Variants in SLC6A12 observed in about 807,000 individuals in gnomAD.
SLC6A12 encodes sodium- and chloride-dependent betaine transporter.
In SLC6A12, 50 loss-of-function variants were observed where a neutral mutation model predicts 73.3. The ratio of observed to expected loss-of-function variants is 0.68; its 90% CI spans 0.54 to 0.86. The LOEUF (loss-of-function observed/expected upper bound fraction) is 0.86, where lower values mean the gene tolerates loss of function less well. Among genes scored for constraint, SLC6A12 ranks in the 40% least tolerant of loss-of-function variants. The probability of loss-of-function intolerance (pLI) is 0.00; values close to 1 mark genes in which losing one functional copy is unlikely to be tolerated. For missense variants in SLC6A12, 648 were observed against 772.8 expected (o/e 0.84, Z 1.92); for synonymous variants, 304 against 309.2 (o/e 0.98, Z 0.18).
chr12:198,540 G>A lies in SLC6A12; in HGVS notation c.846+257C>T. On this transcript the variant is annotated intron_variant, in intron 8 of 15. Transcript: ENST00000684302. The surrounding 1 kb of genome is among the most constrained non-coding windows in gnomAD (Gnocchi z 4.0). ...GATGGCACCACTGCACTCCAGCCTG[G>A]GGGACAGAGCCAGACCCTGCCTGTC... 5.5e-6 allele frequency: 2 copies of A among 362,266 alleles called. No individual in the cohort carries two copies. The highest frequency in any genetic ancestry group is 1.0e-5 in the Non-Finnish European group (2 of 199,822). 22.4% of individuals were successfully genotyped at this position (362,266 alleles called of 1,614,324 possible). A position where few individuals can be genotyped will look rare whatever the true frequency, so the allele number is the denominator to read the frequency against.
chr12:192,770 G>T (rs1939662225), intron 14 of SLC6A12, 122 bp from the exon 15 acceptor site: 3 of 891,106 alleles, frequency 3.4e-6, no homozygotes, highest in Non-Finnish European at 5.3e-6. Context: ...TAAGGTGGAA[G>T]AGTAAAAGCC....
At chr12:184,911 G>T in the SLC6A12 span, among the ~76,000 whole-genome samples, 1 of 146,556 alleles carries the variant, frequency 6.8e-6, no homozygotes, top group African/African-American at 2.6e-5. Context: ...CCAGCCTGGG[G>T]GACAGAATGA....
intron 1 of SLC6A12, among the ~76,000 whole-genome samples, 161 bp from the exon 2 acceptor site, chr12:212,271 T>C (rs1378122499): frequency 2.6e-5 from 4 of 152,208 alleles, no homozygotes; most frequent in Non-Finnish European, 5.9e-5. Flanking sequence ...AGGGCGGTGG[T>C]CAGAAATGAG....
downstream of SLC6A12, among the ~76,000 whole-genome samples, chr12:187,113 G>C (rs1419915062): frequency 1.3e-5 from 2 of 152,212 alleles, no homozygotes; most frequent in Non-Finnish European, 2.9e-5. Flanking sequence ...CAGGGCTTCT[G>C]CTGCAAAAAT....
At chr12:211,443 G>A (rs976048973) in intron 2 of SLC6A12, among the ~76,000 whole-genome samples, 4 of 152,246 alleles carry the variant, frequency 2.6e-5, no homozygotes, top group African/African-American at 9.6e-5. Flanking sequence ...CTCAGCCCAG[G>A]AGGGAGGATG....
intron 4 of SLC6A12, chr12:203,655 C>CGGCCGTCCG (rs1940438887): frequency 1.3e-5 from 2 of 152,182 alleles, no homozygotes; most frequent in Non-Finnish European, 1.5e-5. Flanking sequence ...GCTGTGCTCG[C>CGGCCGTCCG]GGCCGTCCGG....
rs1939539250 is a variant in SLC6A12 at position 190,331 on chromosome 12, A to G, written c.*737T>C. 6.6e-6 allele frequency: 1 copy of G among 152,270 alleles called. No individual in the cohort carries two copies. Among genetic ancestry groups the G allele is most frequent in the African/African-American group, 2.4e-5 (1 of 41,412 alleles). 9.4% of individuals were successfully genotyped at this position (152,270 alleles called of 1,614,324 possible). A position where few individuals can be genotyped will look rare whatever the true frequency, so the allele number is the denominator to read the frequency against. On this transcript the variant is annotated 3_prime_UTR_variant, in exon 16 of 16. Coordinates refer to ENST00000684302, the MANE Select transcript of SLC6A12 (RefSeq NM_001122848.3). ...CATTCGGAAGGATTGTGAGGTGGGA[A>G]AGAATCTGTGATCAGTTAGCAATAT...
chr12:195,395 G>A, intron 12 of SLC6A12, 68 bp from the exon 13 acceptor site: 4 of 1,017,298 alleles, frequency 3.9e-6, no homozygotes, highest in Non-Finnish European at 6.3e-6. Context: ...CCCTCAGTGA[G>A]ATGGCAAATG....
intron 4 of SLC6A12, 63 bp downstream of exon 4, chr12:204,501 A>G (rs1251430764): frequency 1.3e-6 from 2 of 1,507,804 alleles, no homozygotes; most frequent in Non-Finnish European, 1.8e-6. Context: ...GCAGGGAGAG[A>G]CCATGGGGGG....
intron 2 of SLC6A12, chr12:210,583 A>C (rs946547645): frequency 1.2e-5 from 2 of 165,234 alleles, no homozygotes; most frequent in African/African-American, 4.8e-5. Context: ...TTGGGAGGAA[A>C]AGAGAAGGTG....
chr12:211,611 T>G (rs1211761932), intron 2 of SLC6A12, among the ~76,000 whole-genome samples: 1 of 150,524 alleles, frequency 6.6e-6, no homozygotes, highest in Non-Finnish European at 1.5e-5. Flanking sequence ...AAATGGGGAG[T>G]TGGGCCCCAG....
chr12:186,825 T>G (rs2137090474), downstream of SLC6A12, among the ~76,000 whole-genome samples: 1 of 152,316 alleles, frequency 6.6e-6, no homozygotes, highest in South Asian at 2.1e-4. Flanking sequence ...GACCCAGGAT[T>G]CATGGATGAA....
chr12:210,483 T>C, intron 2 of SLC6A12: 2 of 798,366 alleles, frequency 2.5e-6, no homozygotes, highest in Non-Finnish European at 1.5e-6. Context: ...GTGGCCGAAG[T>C]GACTGCATGG....
chr12:208,897 T>C (rs968406030), intron 3 of SLC6A12, among the ~76,000 whole-genome samples: 1 of 152,056 alleles, frequency 6.6e-6, no homozygotes, highest in African/African-American at 2.4e-5. Flanking sequence ...TAAAATCATG[T>C]TTCTCTAACT....
At chr12:189,801 C>T (rs1428378806), downstream of SLC6A12, among the ~76,000 whole-genome samples, 2 of 151,222 alleles carry the variant, frequency 1.3e-5, no homozygotes, top group Non-Finnish European at 2.9e-5. Context: ...ACGGGTGGAG[C>T]CATGTGTGGC....
At chr12:193,555 C>T (rs1191310853) in intron 13 of SLC6A12, among the ~76,000 whole-genome samples, 178 bp from the exon 14 acceptor site, 1 of 152,200 alleles carries the variant, frequency 6.6e-6, no homozygotes, top group Non-Finnish European at 1.5e-5. Flanking sequence ...GCATGAGATG[C>T]ATTCGAGTCA....
intron 5 of SLC6A12, 36 bp from the exon 6 acceptor site, chr12:201,885 G>A (rs770750241): frequency 2.6e-5 from 41 of 1,570,142 alleles, no homozygotes; most frequent in Non-Finnish European, 3.5e-5. Flanking sequence ...GATGGAGAGA[G>A]ATGCTCTTAT....
In SLC6A12 at chr12:197,300, C is replaced by T. The variant is rs945818085; in HGVS notation, c.1075+77G>A. ...ATCATATTGCCCATCTTCTGGGACT[C>T]ATGCCTTTCAGCAAGAGAGAAGTGT... On this transcript the variant is annotated intron_variant, in intron 10 of 15. Transcript: ENST00000684302. The T allele has an allele frequency of 7.4e-6, 11 of 1,489,598 alleles. No individual in the cohort carries two copies. The South Asian group carries it at 1.1e-4, about 15-fold the overall frequency. 92.3% of individuals were successfully genotyped at this position (1,489,598 alleles called of 1,614,324 possible).
At chr12:187,321 T>C (rs1407837147), downstream of SLC6A12, among the ~76,000 whole-genome samples, 1 of 151,708 alleles carries the variant, frequency 6.6e-6, no homozygotes, top group African/African-American at 2.4e-5. Flanking sequence ...GTGTCCGGAG[T>C]TTGTTCCTTC....
Sources: gnomAD v4.1 joint callset for allele counts (sites outside exome capture counted in the v4.1 genomes callset) on GRCh38, gnomAD v4.1.1 for gene constraint, Gnocchi (gnomAD v3.1) non-coding constraint, MANE v1.5 for transcripts, NCBI Gene and HGNC (gene_info 2026-07-23, HGNC 2026-07-21) for gene names.